Variants in ETFA observed in about 807,000 individuals in gnomAD.
ETFA encodes electron transfer flavoprotein subunit alpha.
In ETFA, 22 loss-of-function variants were observed where a neutral mutation model predicts 46.2. That is an observed-to-expected ratio of 0.48 (90% CI 0.34 to 0.68). The LOEUF (loss-of-function observed/expected upper bound fraction) is 0.68. Ranked by LOEUF, ETFA falls within the 30% of genes least tolerant of loss-of-function variation. ETFA has a pLI of 0.01. For missense variants in ETFA, 345 were observed against 401.1 expected (o/e 0.86, Z 1.19); for synonymous variants, 131 against 139.9 (o/e 0.94, Z 0.45).
intron 6 of ETFA, among the ~76,000 whole-genome samples, chr15:76,285,955 T>C (rs2039701323): frequency 6.6e-6 from 1 of 152,240 alleles, no homozygotes; most frequent in Non-Finnish European, 1.5e-5. Context: ...CCAGAAATCA[T>C]TCAATTCTCT....
intron 1 of ETFA, among the ~76,000 whole-genome samples, chr15:76,302,796 A>G (rs1400497744): frequency 6.6e-6 from 1 of 152,214 alleles, no homozygotes; most frequent in East Asian, 1.9e-4. Context: ...TGTACTTTCC[A>G]TTGGATTTTG....
At chr15:76,308,308 G>C (rs1467125054) in intron 1 of ETFA, among the ~76,000 whole-genome samples, 2 of 152,176 alleles carry the variant, frequency 1.3e-5, no homozygotes, top group Admixed American at 6.5e-5. Flanking sequence ...TAGTCTCAAT[G>C]AATCGCCTCA....
At chr15:76,261,201 A>G (rs1325886972) in intron 9 of ETFA, 12 of 1,542,366 alleles carry the variant, frequency 7.8e-6, no homozygotes, top group Non-Finnish European at 1.1e-5. Flanking sequence ...AGACAATGGT[A>G]ACAGGTTCAG....
At chr15:76,233,325 CTTTT>C (rs66595585) in intron 9 of ETFA, among the ~76,000 whole-genome samples, 2 of 84,490 alleles carry the variant, frequency 2.4e-5, no homozygotes, top group African/African-American at 4.6e-5. Flanking sequence ...ATTCAATAGG[CTTTT>C]TTTTTTTTTT....
intron 9 of ETFA, among the ~76,000 whole-genome samples, chr15:76,246,904 A>G (rs1204587327): frequency 6.6e-6 from 1 of 152,172 alleles, no homozygotes; most frequent in East Asian, 1.9e-4. Flanking sequence ...TTCCCAGAAG[A>G]TATGTCTGTG....
At position 76,216,093 on chromosome 15, in the gene ETFA, C is replaced by A. The variant is rs545439784; in HGVS notation, c.*466G>T. 11 of 160,970 alleles carry A rather than the reference C, an allele frequency of 6.8e-5. No homozygotes were observed. The South Asian group carries it at 2.0e-3, about 29-fold the overall frequency. The allele number at this position is 160,970 out of a possible 1,614,324, so 10.0% of individuals were successfully genotyped here. A position where few individuals can be genotyped will look rare whatever the true frequency, so the allele number is the denominator to read the frequency against. On this transcript the variant is annotated 3_prime_UTR_variant, in exon 12 of 12. Transcript: ENST00000557943. Reference sequence around the variant, plus strand: ...CCGTGCTTTTTTAACTCTGCACTTGCCAATTCAGTTACCTTCTCCTATGAA... The same window carrying A: ...CCGTGCTTTTTTAACTCTGCACTTGACAATTCAGTTACCTTCTCCTATGAA...
chr15:76,304,357 G>A (rs2039915080), intron 1 of ETFA, among the ~76,000 whole-genome samples: 1 of 152,086 alleles, frequency 6.6e-6, no homozygotes. Flanking sequence ...CATTACCTGG[G>A]CGGCAAAATA....
At chr15:76,243,620 G>A (rs944231577) in intron 9 of ETFA, among the ~76,000 whole-genome samples, 6 of 151,944 alleles carry the variant, frequency 3.9e-5, no homozygotes, top group African/African-American at 1.4e-4. Flanking sequence ...CCAACGTGGC[G>A]AAACCCCGCC....
chr15:76,245,931 T>C (rs1376903070), intron 9 of ETFA, among the ~76,000 whole-genome samples: 1 of 152,348 alleles, frequency 6.6e-6, no homozygotes, highest in Middle Eastern at 3.4e-3. Flanking sequence ...AATCTGAGAC[T>C]CTATTAAGTT....
chr15:76,254,608 T>C (rs1247727729), intron 9 of ETFA, among the ~76,000 whole-genome samples: 3 of 152,222 alleles, frequency 2.0e-5, no homozygotes, highest in African/African-American at 7.2e-5. Context: ...CCTATTTTCA[T>C]AGTAATACTA....
chr15:76,309,459 CA>C (rs2039968679), intron 1 of ETFA, among the ~76,000 whole-genome samples: 1 of 151,984 alleles, frequency 6.6e-6, no homozygotes, highest in Admixed American at 6.6e-5. Flanking sequence ...TCAAAACAAA[CA>C]AACAAACAAA....
intron 9 of ETFA, among the ~76,000 whole-genome samples, chr15:76,271,429 A>C (rs2039529863): frequency 6.6e-6 from 1 of 152,234 alleles, no homozygotes; most frequent in African/African-American, 2.4e-5. Context: ...GACATTAGAC[A>C]AATCCAAATT....
chr15:76,273,227 G>A (rs2039556798), intron 9 of ETFA, among the ~76,000 whole-genome samples: 1 of 152,082 alleles, frequency 6.6e-6, no homozygotes, highest in Non-Finnish European at 1.5e-5. Flanking sequence ...AAGAACTCAA[G>A]TTTTCAACAG....
At chr15:76,288,320 C>T (rs904413986) in intron 4 of ETFA, among the ~76,000 whole-genome samples, 4 of 151,954 alleles carry the variant, frequency 2.6e-5, no homozygotes, top group African/African-American at 9.7e-5. Flanking sequence ...TTCTCAAATA[C>T]TGAAAAAGAT....
intron 9 of ETFA, among the ~76,000 whole-genome samples, chr15:76,255,610 C>T (rs2039339256): frequency 6.6e-6 from 1 of 152,168 alleles, no homozygotes; most frequent in Non-Finnish European, 1.5e-5. Flanking sequence ...ATACTTTTGC[C>T]TGACAAGTCT....
At chr15:76,302,929 C>T (rs2039895085) in intron 1 of ETFA, among the ~76,000 whole-genome samples, 1 of 152,182 alleles carries the variant, frequency 6.6e-6, no homozygotes, top group Non-Finnish European at 1.5e-5. Context: ...GATCCTCCTG[C>T]CTCAGCCTCC....
At chr15:76,295,486 G>C (rs2141543574) in intron 2 of ETFA, 105 bp downstream of exon 2, 2 of 948,246 alleles carry the variant, frequency 2.1e-6, no homozygotes, top group East Asian at 2.4e-5. Context: ...ATGAGGATTA[G>C]AGCCCAGTTT....
intron 1 of ETFA, chr15:76,309,796 C>T (rs1265927869): frequency 1.3e-5 from 2 of 152,172 alleles, no homozygotes; most frequent in Non-Finnish European, 2.9e-5. Context: ...ATGATTTTCA[C>T]TTGTTTATGT....
In ETFA at chr15:76,216,490, A is replaced by C. The variant is rs2038896927; in HGVS notation, c.*69T>G. 1.1e-6 allele frequency: 1 copy of C among 924,538 alleles called. No homozygotes were observed. Among genetic ancestry groups the C allele is most frequent in the Non-Finnish European group, 1.8e-6 (1 of 557,558 alleles). The allele number at this position is 924,538 out of a possible 1,614,324, so 57.3% of individuals were successfully genotyped here. ...CATGCTTTCCAATGATTGTTATAAT[A>C]CCCACAAATATCTGTGATTTCAGTG... On this transcript the variant is annotated 3_prime_UTR_variant, in exon 12 of 12. Transcript: ENST00000557943.
Sources: allele counts gnomAD v4.1 joint callset (sites outside exome capture counted in the v4.1 genomes callset), GRCh38; gene constraint gnomAD v4.1.1; transcripts MANE v1.5; gene names NCBI Gene and HGNC (gene_info 2026-07-23, HGNC 2026-07-21).